REDIC1: variants seen among roughly 807,000 people sequenced by gnomAD.
REDIC1 encodes regulator of DNA class I crossover intermediates 1.
At chr12:39,798,203 A>T in the REDIC1 span, among the ~76,000 whole-genome samples, 1 of 152,148 alleles carries the variant, frequency 6.6e-6, no homozygotes, top group Non-Finnish European at 1.5e-5. Context: ...GCACACGAGG[A>T]AGCCACCTTG....
chr12:39,722,733 T>TA, the REDIC1 span, among the ~76,000 whole-genome samples: 2 of 152,108 alleles, frequency 1.3e-5, no homozygotes, highest in Non-Finnish European at 2.9e-5. Flanking sequence ...TTCAGGGCTT[T>TA]AAAAAAATGC....
the REDIC1 span, among the ~76,000 whole-genome samples, chr12:39,697,593 A>G: frequency 1.3e-5 from 2 of 152,212 alleles, no homozygotes. Context: ...TAGAAACAAC[A>G]GAGAGTTAAA....
chr12:39,907,217 G>A, the REDIC1 span, among the ~76,000 whole-genome samples: 6 of 152,200 alleles, frequency 3.9e-5, no homozygotes, highest in South Asian at 1.2e-3. Context: ...TACAAGTAGA[G>A]ATTTGTATTT....
the REDIC1 span, among the ~76,000 whole-genome samples, chr12:39,712,716 CGTATACGTGTATATATGTATATAGACGT>C: frequency 1.6e-5 from 2 of 126,444 alleles, no homozygotes; most frequent in Non-Finnish European, 3.2e-5. Flanking sequence ...TGTATATAGA[CGTATACGTGTATATATGTATATAGACGT>C]GTACACATAT....
At chr12:39,701,021 G>A in the REDIC1 span, among the ~76,000 whole-genome samples, 3 of 151,936 alleles carry the variant, frequency 2.0e-5, no homozygotes, top group African/African-American at 7.3e-5. Flanking sequence ...GGAAGAAACT[G>A]CATCAACTAA....
chr12:39,754,699 T>G, the REDIC1 span, among the ~76,000 whole-genome samples: 3 of 152,088 alleles, frequency 2.0e-5, no homozygotes, highest in Non-Finnish European at 2.9e-5. Context: ...CCAAAGATAA[T>G]TTTTGACAAC....
chr12:39,878,064 G>C, the REDIC1 span, among the ~76,000 whole-genome samples: 76 of 152,226 alleles, frequency 5.0e-4, no homozygotes, highest in Admixed American at 1.6e-3. Flanking sequence ...CATAATTGCA[G>C]GCTTCCTAAG....
the REDIC1 span, among the ~76,000 whole-genome samples, chr12:39,695,952 T>C: frequency 2.6e-5 from 4 of 152,164 alleles, no homozygotes; most frequent in Non-Finnish European, 5.9e-5. Flanking sequence ...GACAAGAGTC[T>C]CTGCTTGGTA....
chr12:39,629,898 A>G, the REDIC1 span, among the ~76,000 whole-genome samples: 1 of 152,068 alleles, frequency 6.6e-6, no homozygotes, highest in Non-Finnish European at 1.5e-5. Flanking sequence ...TCCTTGTTAA[A>G]TTTTTTGATA....
At chr12:39,872,160 T>C in the REDIC1 span, among the ~76,000 whole-genome samples, 1 of 152,020 alleles carries the variant, frequency 6.6e-6, no homozygotes, top group African/African-American at 2.4e-5. Flanking sequence ...TATTTTGGAG[T>C]TTGTATAATC....
chr12:39,770,832 A>G, the REDIC1 span, among the ~76,000 whole-genome samples: 3 of 152,114 alleles, frequency 2.0e-5, no homozygotes, highest in East Asian at 3.9e-4. Flanking sequence ...TATACTTTTA[A>G]GTCCAAGTAA....
At chr12:39,723,046 C>A in the REDIC1 span, among the ~76,000 whole-genome samples, 1 of 152,116 alleles carries the variant, frequency 6.6e-6, no homozygotes, top group Non-Finnish European at 1.5e-5. Flanking sequence ...ACTTTGAATA[C>A]CAAGGCTCAG....
chr12:39,859,316 G>T, the REDIC1 span, among the ~76,000 whole-genome samples: 2 of 94,322 alleles, frequency 2.1e-5, no homozygotes, highest in South Asian at 4.3e-4. Context: ...AAAGCTGGCA[G>T]TTTTTTTTTT....
At chr12:39,898,142 C>A in the REDIC1 span, among the ~76,000 whole-genome samples, 3 of 152,110 alleles carry the variant, frequency 2.0e-5, no homozygotes, top group Non-Finnish European at 4.4e-5. Flanking sequence ...ACATGTACAG[C>A]TTTCCATTTG....
At chr12:39,737,390 C>T in the REDIC1 span, among the ~76,000 whole-genome samples, 14 of 152,162 alleles carry the variant, frequency 9.2e-5, no homozygotes, top group Non-Finnish European at 2.1e-4. Flanking sequence ...TAACTTTTAC[C>T]TCATGGCCTG....
chr12:39,729,107 C>G, the REDIC1 span, among the ~76,000 whole-genome samples: 3 of 151,986 alleles, frequency 2.0e-5, no homozygotes, highest in African/African-American at 7.3e-5. Flanking sequence ...TTCAAAAAAC[C>G]AGCTCCCAGA....
the REDIC1 span, among the ~76,000 whole-genome samples, chr12:39,713,673 G>T: frequency 4.7e-5 from 7 of 148,596 alleles, no homozygotes; most frequent in South Asian, 2.1e-4. Flanking sequence ...ATATACATAT[G>T]TATGTATGCC....
At chr12:39,797,742 A>AC in the REDIC1 span, among the ~76,000 whole-genome samples, 1 of 122,800 alleles carries the variant, frequency 8.1e-6, no homozygotes, top group East Asian at 2.3e-4. Context: ...ACACACACAC[A>AC]CACACACACA....
chr12:39,816,069 G>A, the REDIC1 span, among the ~76,000 whole-genome samples: 1 of 152,140 alleles, frequency 6.6e-6, no homozygotes. Flanking sequence ...AATCGATGAG[G>A]CACATAATAT....
Sources: gnomAD v4.1 joint callset for allele counts (sites outside exome capture counted in the v4.1 genomes callset) on GRCh38, gnomAD v4.1.1 for gene constraint, MANE v1.5 for transcripts, NCBI Gene and HGNC (gene_info 2026-07-23, HGNC 2026-07-21) for gene names.